BTN3A1: variants seen among roughly 807,000 people sequenced by gnomAD.
BTN3A1 encodes the protein butyrophilin subfamily 3 member A1.
Under a neutral mutation model 43.0 loss-of-function variants are expected in BTN3A1, and 24 were observed. The observed-to-expected ratio is 0.56, with a 90% CI of 0.40 to 0.78. The LOEUF is 0.78. Among genes scored for constraint, BTN3A1 ranks in the 30% least tolerant of loss-of-function variants. The pLI, the probability that BTN3A1 is intolerant of heterozygous loss-of-function variation, is 0.00. For synonymous variants in BTN3A1, 181 were observed against 234.7 expected (o/e 0.77, Z 2.09); for missense variants, 533 against 626.2 (o/e 0.85, Z 1.59).
At position 26,409,566 on chromosome 6, in the gene BTN3A1, C is replaced by G; in HGVS notation, c.749C>G (p.Ala250Gly). 1 of 1,613,984 alleles carries G rather than the reference C, an allele frequency of 6.2e-7. No homozygotes were observed. The highest frequency in any genetic ancestry group is 8.5e-7 in the Non-Finnish European group (1 of 1,180,012). ...TTCAGGAGCGCCCAGAGGTGGATCG[C>G]CGCCCTGGCAGGGACCCTGCCTGTC... ...PFFRSAQRWI[A>G]ALAGTLPVLL... Residue 250 changes from alanine to glycine, a missense_variant, in exon 5 of 10, where the codon GCC becomes GGC. By Grantham distance (60) the Ala-to-Gly change is moderately conservative. Coordinates refer to ENST00000289361, the MANE Select transcript of BTN3A1 (RefSeq NM_007048.6).
At chr6:26,412,405 C>G (rs1359939893) in intron 9 of BTN3A1, 1 of 905,726 alleles carries the variant, frequency 1.1e-6, no homozygotes, top group East Asian at 2.6e-5. Flanking sequence ...TTCCAATCTC[C>G]TATCAGGGCC....
chr6:26,406,332 C>T (rs1762019791), intron 3 of BTN3A1, 76 bp downstream of exon 3: 1 of 662,612 alleles, frequency 1.5e-6, no homozygotes, highest in Non-Finnish European at 2.5e-6. Context: ...CTTGCAAAAG[C>T]ACTGCAGACA....
At chr6:26,405,885 A>G (rs769977541) in intron 2 of BTN3A1, 24 bp from the exon 3 acceptor site, 17 of 1,613,306 alleles carry the variant, frequency 1.1e-5, no homozygotes, top group Middle Eastern at 1.6e-4. Flanking sequence ...ACCCTCTGAC[A>G]GATCCTCCCC....
intron 5 of BTN3A1, 57 bp from the exon 6 acceptor site, chr6:26,409,837 T>G: frequency 6.2e-7 from 1 of 1,613,634 alleles, no homozygotes; most frequent in Non-Finnish European, 8.5e-7. Context: ...TAAGGTTAAT[T>G]TTTTAGAAAA....
chr6:26,407,749 G>A lies in BTN3A1; in HGVS notation c.512G>A (p.Trp171Ter). The A allele has an allele frequency of 6.2e-7, 1 of 1,614,198 alleles. No individual in the cohort carries two copies. Among genetic ancestry groups the A allele is most frequent in the Non-Finnish European group, 8.5e-7 (1 of 1,180,036 alleles). The change falls in exon 4 of 10, where the codon TGG becomes TAG. Residue 171 changes from tryptophan (W) to a stop codon, truncating the protein, a stop_gained. Coordinates refer to ENST00000289361, the MANE Select transcript of BTN3A1 (RefSeq NM_007048.6). LOFTEE classifies it high-confidence loss of function. ...CATCTGGAGTGCAGGTCCACTGGCT[G>A]GTACCCCCAACCCCAAATACAGTGG... is the stretch of plus-strand genomic sequence containing the variant. ...GIHLECRSTGWYPQPQIQWSN... is the reference protein window; with the variant it reads ...GIHLECRSTG
Position 26,409,989 on chromosome 6 carries a change from T to G in BTN3A1, c.938-17T>G. The G allele has an allele frequency of 6.2e-7, 1 of 1,614,216 alleles. No individual in the cohort carries two copies. The highest frequency in any genetic ancestry group is 8.5e-7 in the Non-Finnish European group (1 of 1,180,034). On this transcript the variant is annotated splice_polypyrimidine_tract_variant and intron_variant, in intron 6 of 9. Transcript: ENST00000289361. Reference sequence around the variant, plus strand: ...TTATGCGCCTTGATGCATCTTCCCCTGTTCCTTCCGTTGCAGGATGGAGAA... The same window carrying G: ...TTATGCGCCTTGATGCATCTTCCCCGGTTCCTTCCGTTGCAGGATGGAGAA...
At chr6:26,413,061 A>T in intron 9 of BTN3A1, 108 bp from the exon 10 acceptor site, 1 of 1,522,460 alleles carries the variant, frequency 6.6e-7, no homozygotes, top group Non-Finnish European at 8.8e-7. Context: ...TAGGGACACC[A>T]GGCTTTGGAC....
chr6:26,405,672 T>G (rs192573594), intron 2 of BTN3A1, 24 bp downstream of exon 2: 2 of 1,613,102 alleles, frequency 1.2e-6, no homozygotes, highest in East Asian at 4.5e-5. Context: ...CCACGCTTGT[T>G]TCTGAAGCAG....
In BTN3A1 at chr6:26,413,169, C is replaced by CTTT. The variant is rs1762277006; in HGVS notation, c.1019_1020insTTT (p.Ala340_Asp341insLeu). On this transcript the variant is annotated inframe_insertion and splice_region_variant, in exon 10 of 10. Coordinates refer to ENST00000289361, the MANE Select transcript of BTN3A1 (RefSeq NM_007048.6). ...GGACACTTCCTCAAACTCTCTGCAG[C>CTTT]GGATGTGATTCTGGATCCAAAAACA... 6.2e-7 allele frequency: 1 copy of CTTT among 1,608,906 alleles called. No homozygotes were observed. The highest frequency in any genetic ancestry group is 1.3e-5 in the African/African-American group (1 of 74,798).
intron 1 of BTN3A1, chr6:26,404,083 C>T (rs911041032): frequency 1.3e-5 from 2 of 152,166 alleles, no homozygotes; most frequent in Admixed American, 6.5e-5. Context: ...GCCGGCTGCA[C>T]AGATCTCTGT....
At chr6:26,413,023 C>T (rs1441785971) in intron 9 of BTN3A1, 146 bp from the exon 10 acceptor site, 4 of 1,484,430 alleles carry the variant, frequency 2.7e-6, no homozygotes, top group South Asian at 1.4e-5. Flanking sequence ...CTCCTGACAT[C>T]GATGAGAGAG....
intron 5 of BTN3A1, 50 bp from the exon 6 acceptor site, chr6:26,409,844 A>G: frequency 1.2e-6 from 2 of 1,613,766 alleles, no homozygotes; most frequent in South Asian, 2.2e-5. Context: ...AATTTTTTAG[A>G]AAACCCCCTC....
At chr6:26,408,847 G>A (rs1762107957) in intron 4 of BTN3A1, among the ~76,000 whole-genome samples, 1 of 152,164 alleles carries the variant, frequency 6.6e-6, no homozygotes. Context: ...CACAGAAAGA[G>A]CAAAATGCAG....
At position 26,411,591 on chromosome 6, in the gene BTN3A1, T is replaced by A; in HGVS notation, c.1018+10T>A. ...GCCCTCTTCAAGCCTGGTGAGTAAA[T>A]CACTGTGTGTTCCCTGGACCAACAA... is the stretch of plus-strand genomic sequence containing the variant. On this transcript the variant is annotated intron_variant, in intron 9 of 9. Transcript: ENST00000289361. The A allele has an allele frequency of 6.2e-7, 1 of 1,613,052 alleles. No individual in the cohort carries two copies. The highest frequency in any genetic ancestry group is 8.5e-7 in the Non-Finnish European group (1 of 1,179,354).
rs1381422752 is a variant in BTN3A1, at chr6:26,406,057, G to T, written c.234G>T (p.Val78=). The T allele has an allele frequency of 6.2e-7, 1 of 1,608,014 alleles. No individual in the cohort carries two copies. Among genetic ancestry groups the T allele is most frequent in the Non-Finnish European group, 8.5e-7 (1 of 1,177,664 alleles). ...CCAGCCTAAGGCAGGTGGTGAACGTGTATGCAGATGGAAAGGAAGTGGAAG... is the reference window on the plus strand; with the variant it reads ...CCAGCCTAAGGCAGGTGGTGAACGTTTATGCAGATGGAAAGGAAGTGGAAG... ...VSSSLRQVVN[V]YADGKEVEDR... The change falls in exon 3 of 10, where the codon GTG becomes GTT. Residue 78 remains valine, a synonymous_variant. Coordinates refer to ENST00000289361, the MANE Select transcript of BTN3A1 (RefSeq NM_007048.6).
At chr6:26,409,809 G>A (rs186270774) in intron 5 of BTN3A1, 76 bp downstream of exon 5, 30 of 1,609,824 alleles carry the variant, frequency 1.9e-5, no homozygotes, top group African/African-American at 2.7e-5. Context: ...CATCCCCACC[G>A]CAGAGCTCAG....
chr6:26,412,500 C>A (rs1278913179), intron 9 of BTN3A1: 1 of 1,549,174 alleles, frequency 6.5e-7, no homozygotes, highest in African/African-American at 1.4e-5. Flanking sequence ...GGACAGATTC[C>A]TGGGGCCCAG....
chr6:26,411,047 G>A (rs901983716), intron 7 of BTN3A1, 62 bp from the exon 8 acceptor site: 7 of 1,388,452 alleles, frequency 5.0e-6, no homozygotes, highest in Non-Finnish European at 6.9e-6. Flanking sequence ...TAAAGTTAAG[G>A]GAATGGGGCC....
At chr6:26,403,602 T>G (rs1281626342) in intron 1 of BTN3A1, among the ~76,000 whole-genome samples, 3 of 140,838 alleles carry the variant, frequency 2.1e-5, no homozygotes, top group African/African-American at 3.2e-5. Flanking sequence ...TTTAAGGCCC[T>G]TTATATATAT....
Sources: allele counts gnomAD v4.1 joint callset (sites outside exome capture counted in the v4.1 genomes callset), GRCh38; gene constraint gnomAD v4.1.1; transcripts MANE v1.5; gene names NCBI Gene and HGNC (gene_info 2026-07-23, HGNC 2026-07-21).